Variants in HAGH observed in about 807,000 individuals in gnomAD.
HAGH encodes hydroxyacylglutathione hydrolase, mitochondrial.
In HAGH, 29 loss-of-function variants were observed where a neutral mutation model predicts 35.1. The ratio of observed to expected loss-of-function variants is 0.83; its 90% CI spans 0.62 to 1.13. The LOEUF (loss-of-function observed/expected upper bound fraction) is 1.13, where lower values mean the gene tolerates loss of function less well. Ranked by LOEUF, HAGH falls within the 50% of genes most tolerant of loss-of-function variation. The pLI, the probability that HAGH is intolerant of heterozygous loss-of-function variation, is 0.00. For missense variants in HAGH, 478 were observed against 419.6 expected (o/e 1.14, Z -1.22); for synonymous variants, 225 against 176.1 (o/e 1.28, Z -2.20).
intron 1 of HAGH, among the ~76,000 whole-genome samples, chr16:1,823,299 G>A (rs1251263200): frequency 7.0e-5 from 10 of 142,310 alleles, no homozygotes; most frequent in African/African-American, 2.4e-4. Flanking sequence ...ACGGAGTCTC[G>A]CTCTGTCGCC....
At chr16:1,820,608 A>G (rs888433318) in intron 3 of HAGH, among the ~76,000 whole-genome samples, 2 of 152,126 alleles carry the variant, frequency 1.3e-5, no homozygotes, top group African/African-American at 4.8e-5. Flanking sequence ...CTACGCGCCC[A>G]GGTTTCCCCA....
At chr16:1,812,320 A>G (rs1205944814) in intron 7 of HAGH, 2 of 151,306 alleles carry the variant, frequency 1.3e-5, no homozygotes, top group Admixed American at 6.6e-5. Flanking sequence ...CCTGGCCAAC[A>G]TGGTAAAACC....
Position 1,819,089 on chromosome 16 carries a change from GCCCCCA to G in HAGH, c.541+20_541+25del. On this transcript the variant is annotated intron_variant, in intron 5 of 8. Coordinates refer to ENST00000397356, the MANE Select transcript of HAGH (RefSeq NM_005326.6). ...CACAGGGTCTTCACGAAGAACCCCC[GCCCCCA>G]CCCACACTCGAACACGCACCTGTGA... 4 of 1,420,874 alleles carry G rather than the reference GCCCCCA, an allele frequency of 2.8e-6. No individual in the cohort carries two copies. Among genetic ancestry groups the G allele is most frequent in the Non-Finnish European group, 4.0e-6 (4 of 1,006,028 alleles). 88.0% of individuals were successfully genotyped at this position (1,420,874 alleles called of 1,614,324 possible). A position where few individuals can be genotyped will look rare whatever the true frequency, so the allele number is the denominator to read the frequency against.
chr16:1,827,161 G>T (rs369724815), upstream of HAGH: 40 of 1,531,788 alleles, frequency 2.6e-5, 1 homozygote, highest in South Asian at 4.7e-4. Flanking sequence ...TTCCGAGGCA[G>T]TTGGTCCTCT....
chr16:1,826,972 G>T (rs1898469843), upstream of HAGH: 1 of 611,260 alleles, frequency 1.6e-6, no homozygotes, highest in Non-Finnish European at 2.6e-6. Flanking sequence ...ACTGCCACGG[G>T]CCGGGAGACG....
chr16:1,826,122 C>G (rs1439158837), intron 1 of HAGH, among the ~76,000 whole-genome samples: 2 of 152,208 alleles, frequency 1.3e-5, no homozygotes, highest in Non-Finnish European at 2.9e-5. Context: ...TCGGCGAGAT[C>G]TGGAAACCGC....
At chr16:1,819,356 G>A (rs1223333752) in intron 4 of HAGH, 133 bp from the exon 5 acceptor site, 6 of 616,444 alleles carry the variant, frequency 9.7e-6, no homozygotes, top group African/African-American at 3.7e-5. Context: ...TGGGGCAGGT[G>A]CTCCCCACCA....
intron 1 of HAGH, among the ~76,000 whole-genome samples, chr16:1,825,365 A>T (rs572308877): frequency 6.6e-6 from 1 of 152,222 alleles, no homozygotes; most frequent in African/African-American, 2.4e-5. Context: ...GAAGCTGACA[A>T]CCCAGGGAGG....
intron 1 of HAGH, among the ~76,000 whole-genome samples, chr16:1,826,169 G>A (rs181669136): frequency 2.0e-5 from 3 of 152,192 alleles, no homozygotes; most frequent in Admixed American, 6.5e-5. Context: ...CGCCCGCCCA[G>A]TGCCCTGCGC....
rs1372961675 is a variant in HAGH at position 1,807,953 on chromosome 16, A to T, written c.*1330T>A. The T allele has an allele frequency of 6.6e-6, 1 of 152,242 alleles. No homozygotes were observed. Among genetic ancestry groups the T allele is most frequent in the Non-Finnish European group, 1.5e-5 (1 of 68,082 alleles). 9.4% of individuals were successfully genotyped at this position (152,242 alleles called of 1,614,324 possible). A position where few individuals can be genotyped will look rare whatever the true frequency, so the allele number is the denominator to read the frequency against. On this transcript the variant is annotated 3_prime_UTR_variant, in exon 9 of 9. Coordinates refer to ENST00000397356, the MANE Select transcript of HAGH (RefSeq NM_005326.6). ...CCTCCACTCAGAAGAGTCTGTCTAT[A>T]GGACCAGGTGGCAGAGGGTGTGGGC...
intron 7 of HAGH, among the ~76,000 whole-genome samples, chr16:1,814,175 T>C (rs968120027): frequency 2.6e-5 from 4 of 151,872 alleles, no homozygotes; most frequent in Non-Finnish European, 5.9e-5. Flanking sequence ...ACAAGAAACA[T>C]AAAAGAAAAA....
In HAGH at chr16:1,819,125, G is replaced by A. The variant is rs780222470; in HGVS notation, c.531C>T (p.Ala177=). Residue 177 remains alanine (A), a synonymous_variant, in exon 5 of 9, where the codon GCC becomes GCT. Coordinates refer to ENST00000397356, the MANE Select transcript of HAGH (RefSeq NM_005326.6). The part of the protein sequence containing the change: ...VSKPGGSEPP[A]VFTGDTLFVA... ...CACTCGAACACGCACCTGTGAACAC[G>A]GCAGGGGGCTCCGAGCCTCCGGGCT... 1.7e-5 allele frequency: 28 copies of A among 1,605,718 alleles called. No individual in the cohort carries two copies. Among genetic ancestry groups the A allele is most frequent in the Admixed American group, 5.0e-5 (3 of 59,962 alleles).
chr16:1,822,755 CAT>C (rs1176145620), intron 2 of HAGH, 108 bp downstream of exon 2: 2 of 912,594 alleles, frequency 2.2e-6, no homozygotes, highest in Non-Finnish European at 3.5e-6. Context: ...GACTAATTTC[CAT>C]TTAGCTTAGG....
intron 4 of HAGH, 180 bp downstream of exon 4, chr16:1,819,717 G>A: frequency 4.8e-6 from 3 of 627,026 alleles, no homozygotes; most frequent in Non-Finnish European, 8.5e-6. Context: ...ACACAGCCGC[G>A]TTTTGCACAC....
chr16:1,822,481 G>A (rs1202435674), intron 2 of HAGH, 117 bp from the exon 3 acceptor site: 13 of 791,688 alleles, frequency 1.6e-5, no homozygotes, highest in Non-Finnish European at 2.9e-5. Flanking sequence ...CGCTGACATG[G>A]CCCGTCCTGA....
chr16:1,815,116 A>AACCTCACTAGT, intron 7 of HAGH, among the ~76,000 whole-genome samples: 1 of 152,058 alleles, frequency 6.6e-6, no homozygotes, highest in Middle Eastern at 3.4e-3. Context: ...AAAGATGGTC[A>AACCTCACTAGT]CATGGGGAAA....
intron 7 of HAGH, among the ~76,000 whole-genome samples, chr16:1,816,275 G>A (rs904444183): frequency 1.3e-5 from 2 of 151,414 alleles, no homozygotes; most frequent in East Asian, 2.0e-4. Context: ...ATTTGCATGA[G>A]TAAATACTGT....
At position 1,808,877 on chromosome 16, in the gene HAGH, G is replaced by A. The variant is rs530514512; in HGVS notation, c.*406C>T. 7.8e-5 allele frequency: 13 copies of A among 167,622 alleles called. No individual in the cohort carries two copies. The highest frequency in any genetic ancestry group is 6.4e-4 in the Admixed American group (10 of 15,686). 10.4% of individuals were successfully genotyped at this position (167,622 alleles called of 1,614,324 possible). ...GAAGACGCGGCCACCTCTCCCTGCC[G>A]GGGGCCTGAGCAGATCAGACCACAA... On this transcript the variant is annotated 3_prime_UTR_variant, in exon 9 of 9. Coordinates refer to ENST00000397356, the MANE Select transcript of HAGH (RefSeq NM_005326.6).
chr16:1,817,038 C>A, intron 6 of HAGH, 44 bp from the exon 7 acceptor site: 1 of 1,446,658 alleles, frequency 6.9e-7, no homozygotes, highest in East Asian at 2.3e-5. Context: ...CTGTTACCAC[C>A]TGTGAAAGTC....
Sources: gnomAD v4.1 joint callset for allele counts (sites outside exome capture counted in the v4.1 genomes callset) on GRCh38, gnomAD v4.1.1 for gene constraint, MANE v1.5 for transcripts, NCBI Gene and HGNC (gene_info 2026-07-23, HGNC 2026-07-21) for gene names.